ZNF462: variants seen among roughly 807,000 people sequenced by gnomAD.
ZNF462 encodes the protein zinc finger protein 462.
A neutral mutation model predicts 201.9 loss-of-function variants in ZNF462; 10 were observed. The ratio of observed to expected loss-of-function variants is 0.05; its 90% CI spans 0.03 to 0.08. ZNF462 has a LOEUF of 0.08. ZNF462 is among the 10% of genes least tolerant of loss of function. ZNF462 has a pLI of 1.00. For missense variants in ZNF462, 2,523 were observed against 3,168.3 expected (o/e 0.80, Z 4.89); for synonymous variants, 1,227 against 1,193.3 (o/e 1.03, Z -0.58).
intron 1 of ZNF462, among the ~76,000 whole-genome samples, chr9:106,889,005 C>G (rs1828452738): frequency 6.6e-6 from 1 of 152,224 alleles, no homozygotes; most frequent in South Asian, 2.1e-4. Flanking sequence ...GATCCCCTTT[C>G]ACTTTAACAG....
chr9:106,867,602 C>T (rs1191406755), intron 1 of ZNF462, among the ~76,000 whole-genome samples: 3 of 151,132 alleles, frequency 2.0e-5, no homozygotes, highest in African/African-American at 7.3e-5. Flanking sequence ...CTTATCTGCT[C>T]TTCCTAATGA....
chr9:106,932,525 C>T lies in ZNF462; in HGVS notation c.6092C>T (p.Ser2031Leu), dbSNP rs1288981833. The T allele has an allele frequency of 1.2e-6, 2 of 1,614,082 alleles. No homozygotes were observed. The highest frequency in any genetic ancestry group is 1.7e-6 in the Non-Finnish European group (2 of 1,180,056). The change falls in exon 5 of 13, where the codon TCG (serine) becomes TTG (leucine). Residue 2031 changes from serine (S) to leucine (L), a missense_variant. Around this residue, in one of 15 missense-constraint regions of ZNF462, gnomAD observed 107 missense variants for 187.7 expected, o/e 0.57. Transcript: ENST00000277225. The surrounding 1 kb of genome is among the most constrained non-coding windows in gnomAD (Gnocchi z 6.8). ...GACAAGTACAGCTGCCAGTATTGCT[C>T]GTTTGTTTCTGCTTTCAGGCACAAG... ...REDKYSCQYC[S>L]FVSAFRHNLD...
intron 7 of ZNF462, among the ~76,000 whole-genome samples, chr9:106,953,540 C>G (rs1831445775): frequency 6.6e-6 from 1 of 152,128 alleles, no homozygotes; most frequent in Non-Finnish European, 1.5e-5. Context: ...GTGTTTCAGG[C>G]TCTCCTCCAG....
chr9:106,894,441 C>T (rs535308280), intron 1 of ZNF462, among the ~76,000 whole-genome samples: 7 of 152,240 alleles, frequency 4.6e-5, no homozygotes, highest in East Asian at 3.9e-4. Flanking sequence ...CATTTTTATG[C>T]GGGAGGGATC....
Position 106,963,570 on chromosome 9 carries a change from A to G in ZNF462, c.6428-8435A>G, listed in dbSNP as rs917219992. On this transcript the variant is annotated intron_variant, in intron 7 of 12. Coordinates refer to ENST00000277225, the MANE Select transcript of ZNF462 (RefSeq NM_021224.6). This position sits in a 1 kb window ranked among gnomAD's most constrained non-coding sequence, Gnocchi z 4.7. ...CACGGCTGTCCACAAATTCAATCTA[A>G]TGGATATTTTCTTAAGTACCATCAT... Among the ~76,000 whole-genome samples, 2 of 152,036 alleles carry G rather than the reference A, an allele frequency of 1.3e-5. No individual in the cohort carries two copies. Among genetic ancestry groups the G allele is most frequent in the Admixed American group, 1.3e-4 (2 of 15,226 alleles).
intron 1 of ZNF462, among the ~76,000 whole-genome samples, chr9:106,912,523 G>T (rs993110401): frequency 6.6e-6 from 1 of 152,170 alleles, no homozygotes; most frequent in Non-Finnish European, 1.5e-5. Context: ...AGAATATACG[G>T]GGCATGGACC....
chr9:107,005,636 C>A lies in ZNF462; in HGVS notation c.7189+2210C>A, dbSNP rs961598297. On this transcript the variant is annotated intron_variant, in intron 11 of 12. Coordinates refer to ENST00000277225, the MANE Select transcript of ZNF462 (RefSeq NM_021224.6). This position sits in a 1 kb window ranked among gnomAD's most constrained non-coding sequence, Gnocchi z 4.4. ...TATTTTCACTCATTCCATAGGTTGTCTATTACTGTGTTGATTGTTTCCTTG... is the reference window on the plus strand; with the variant it reads ...TATTTTCACTCATTCCATAGGTTGTATATTACTGTGTTGATTGTTTCCTTG... Among the ~76,000 whole-genome samples the A allele has an allele frequency of 3.9e-5, 6 of 152,112 alleles. No individual in the cohort carries two copies. Among genetic ancestry groups the A allele is most frequent in the African/African-American group, 1.4e-4 (6 of 41,422 alleles).
rs889334924 is a variant in ZNF462, at chr9:106,933,168, C to T, written c.6116+619C>T. The stretch of plus-strand genomic sequence containing the variant: ...AAGAACAACTTTTTGTTGCCTTTCT[C>T]TTTCAGCCGTGTAAAAGAGAGATAA... On this transcript the variant is annotated intron_variant, in intron 5 of 12. Coordinates refer to ENST00000277225, the MANE Select transcript of ZNF462 (RefSeq NM_021224.6). This position sits in a 1 kb window ranked among gnomAD's most constrained non-coding sequence, Gnocchi z 4.3. The T allele has an allele frequency of 2.6e-5, 4 of 156,186 alleles. No homozygotes were observed. Among genetic ancestry groups the T allele is most frequent in the African/African-American group, 9.7e-5 (4 of 41,448 alleles). 9.7% of individuals were successfully genotyped at this position (156,186 alleles called of 1,614,324 possible).
In ZNF462 at chr9:106,930,545, G is replaced by A. The variant is rs1020625509; in HGVS notation, c.5868G>A (p.Glu1956=). The A allele has an allele frequency of 1.2e-6, 2 of 1,614,132 alleles. No individual in the cohort carries two copies. Among genetic ancestry groups the A allele is most frequent in the Non-Finnish European group, 1.7e-6 (2 of 1,180,028 alleles). ...ACCAGCCTTTTGGTCACTTAGAAGA[G>A]GTGCCAAAGATCAAGGAGAGGAAAG... ...KQERPFGHLE[E]VPKIKERKVV... is the part of the protein sequence containing the mutation. Residue 1956 remains glutamate (E), a synonymous_variant, in exon 4 of 13, where the codon GAG becomes GAA. Coordinates refer to ENST00000277225, the MANE Select transcript of ZNF462 (RefSeq NM_021224.6). The surrounding 1 kb of genome is among the most constrained non-coding windows in gnomAD (Gnocchi z 5.8).
chr9:106,974,067 C>T lies in ZNF462; in HGVS notation c.6696-70C>T. ...ACTTGGACATATATAACGGGTTTGC[C>T]AGCAGGAAATGTGAAAATGCAATGA... On this transcript the variant is annotated intron_variant, in intron 8 of 12. Transcript: ENST00000277225. This position sits in a 1 kb window ranked among gnomAD's most constrained non-coding sequence, Gnocchi z 4.0. The T allele has an allele frequency of 6.3e-7, 1 of 1,598,264 alleles. No homozygotes were observed. Among genetic ancestry groups the T allele is most frequent in the Non-Finnish European group, 8.6e-7 (1 of 1,169,204 alleles).
chr9:106,871,045 C>T (rs1827568802), intron 1 of ZNF462, among the ~76,000 whole-genome samples: 1 of 152,156 alleles, frequency 6.6e-6, no homozygotes, highest in Non-Finnish European at 1.5e-5. Context: ...GAAAATTCTC[C>T]CCGTTAACAC....
chr9:106,863,020 G>GGA (rs147715802), upstream of ZNF462: 2 of 394,178 alleles, frequency 5.1e-6, no homozygotes, highest in Admixed American at 4.4e-5. Flanking sequence ...ACAGAGGGAG[G>GGA]GAGAGAGAGA....
At chr9:106,908,902 C>CATAT (rs1829386700) in intron 1 of ZNF462, among the ~76,000 whole-genome samples, 1 of 77,222 alleles carries the variant, frequency 1.3e-5, no homozygotes, top group African/African-American at 6.4e-5. Context: ...AATATTTGCC[C>CATAT]ATATATACAT....
chr9:106,917,530 T>TG lies in ZNF462; in HGVS notation c.-30-5819dup, dbSNP rs34696602. Among the ~76,000 whole-genome samples, 1 of 152,212 alleles carries TG rather than the reference T, an allele frequency of 6.6e-6. No individual in the cohort carries two copies. Among genetic ancestry groups the TG allele is most frequent in the Admixed American group, 6.5e-5 (1 of 15,280 alleles). On this transcript the variant is annotated intron_variant, in intron 1 of 12. Transcript: ENST00000277225. The surrounding 1 kb of genome is among the most constrained non-coding windows in gnomAD (Gnocchi z 4.5). ...CTACTATTTAACTTCAGTCTCATAT[T>TG]GGGGGTTACATATGTGATTGCAAAT...
rs955601255 is a variant in ZNF462 at position 106,984,129 on chromosome 9, A to G, written c.6833-57A>G. ...TTTCTTCTTGTATTCCAAAGAAAGA[A>G]CTTCTGTTTTGCCATCAGTAAAAAT... On this transcript the variant is annotated intron_variant, in intron 9 of 12. Coordinates refer to ENST00000277225, the MANE Select transcript of ZNF462 (RefSeq NM_021224.6). This position sits in a 1 kb window ranked among gnomAD's most constrained non-coding sequence, Gnocchi z 6.4. 6.7e-7 allele frequency: 1 copy of G among 1,498,270 alleles called. No individual in the cohort carries two copies. The highest frequency in any genetic ancestry group is 9.1e-7 in the Non-Finnish European group (1 of 1,094,162). The allele number at this position is 1,498,270 out of a possible 1,614,324, so 92.8% of individuals were successfully genotyped here. A position where few individuals can be genotyped will look rare whatever the true frequency, so the allele number is the denominator to read the frequency against.
In ZNF462 at chr9:106,970,498, C is replaced by A. The variant is rs558554828; in HGVS notation, c.6428-1507C>A. On this transcript the variant is annotated intron_variant, in intron 7 of 12. Transcript: ENST00000277225. The surrounding 1 kb of genome is among the most constrained non-coding windows in gnomAD (Gnocchi z 4.2). ...CAAATATGGGTTTTAGAGAATTCCT[C>A]CATGTCCTGCCTTAGGGAATTATGC... 2.6e-4 allele frequency among the ~76,000 whole-genome samples: 39 copies of A among 152,268 alleles called. No homozygotes were observed. The highest frequency in any genetic ancestry group is 8.9e-4 in the African/African-American group (37 of 41,550).
rs770132679 is a variant in ZNF462, at chr9:106,974,368, G to A, written c.6832+95G>A. On this transcript the variant is annotated intron_variant, in intron 9 of 12. Coordinates refer to ENST00000277225, the MANE Select transcript of ZNF462 (RefSeq NM_021224.6). This position sits in a 1 kb window ranked among gnomAD's most constrained non-coding sequence, Gnocchi z 4.0. ...CTCTCTCAGAGTGGCAGTAGCACCTGTGCCTTGTTCCTCACCTTATCTTCA... is the reference window on the plus strand; with the variant it reads ...CTCTCTCAGAGTGGCAGTAGCACCTATGCCTTGTTCCTCACCTTATCTTCA... 1.3e-6 allele frequency: 2 copies of A among 1,573,178 alleles called. No individual in the cohort carries two copies. Among genetic ancestry groups the A allele is most frequent in the Non-Finnish European group, 1.7e-6 (2 of 1,143,362 alleles).
rs1830511151 is a variant in ZNF462 at position 106,933,657 on chromosome 9, C to T, written c.6116+1108C>T. Among the ~76,000 whole-genome samples the T allele has an allele frequency of 6.6e-6, 1 of 151,958 alleles. No individual in the cohort carries two copies. The highest frequency in any genetic ancestry group is 1.5e-5 in the Non-Finnish European group (1 of 67,980). ...GAAATTAAAAAAAAACAAAACAAAA[C>T]CCACTGACTCATCAAAATAAAGCAC... On this transcript the variant is annotated intron_variant, in intron 5 of 12. Coordinates refer to ENST00000277225, the MANE Select transcript of ZNF462 (RefSeq NM_021224.6). This position sits in a 1 kb window ranked among gnomAD's most constrained non-coding sequence, Gnocchi z 4.3.
chr9:106,971,736 G>A (rs935570505), intron 7 of ZNF462, among the ~76,000 whole-genome samples: 8 of 152,154 alleles, frequency 5.3e-5, no homozygotes, highest in Admixed American at 1.3e-4. Context: ...TTTGCTGGGG[G>A]AGTAGGTCTT....
Sources: allele counts gnomAD v4.1 joint callset (sites outside exome capture counted in the v4.1 genomes callset), GRCh38; gene constraint gnomAD v4.1.1; regional missense constraint gnomAD v4.1.1; non-coding constraint Gnocchi (gnomAD v3.1); transcripts MANE v1.5; gene names NCBI Gene and HGNC (gene_info 2026-07-23, HGNC 2026-07-21).